Variants in ABCB1 observed in about 807,000 individuals in gnomAD.
The protein encoded by ABCB1 is ATP-dependent translocase ABCB1.
ABCB1 carries 69 observed loss-of-function variants against 142.0 expected under a neutral mutation model. The observed-to-expected ratio is 0.49, with a 90% CI of 0.40 to 0.59. The LOEUF (loss-of-function observed/expected upper bound fraction) is 0.59, where lower values mean the gene tolerates loss of function less well. Among genes scored for constraint, ABCB1 ranks in the 20% least tolerant of loss-of-function variants. ABCB1 has a pLI of 0.00. For synonymous variants in ABCB1, 532 were observed against 539.2 expected (o/e 0.99, Z 0.18); for missense variants, 1,326 against 1,554.7 (o/e 0.85, Z 2.47).
At chr7:87,631,435 G>A (rs1384542861) in intron 1 of ABCB1, among the ~76,000 whole-genome samples, 1 of 152,044 alleles carries the variant, frequency 6.6e-6, no homozygotes, top group African/African-American at 2.4e-5. Flanking sequence ...CTGTCTCCCA[G>A]GCTGGAGAGC....
intron 20 of ABCB1, among the ~76,000 whole-genome samples, chr7:87,534,628 C>T (rs1816199386): frequency 1.3e-5 from 2 of 152,064 alleles, no homozygotes; most frequent in South Asian, 4.1e-4. Context: ...TAAAGATCAA[C>T]TCCAGCTGGG....
intron 21 of ABCB1, among the ~76,000 whole-genome samples, chr7:87,526,551 AC>A (rs1395531058): frequency 6.6e-6 from 1 of 151,712 alleles, no homozygotes; most frequent in Non-Finnish European, 1.5e-5. Context: ...GATTCTTATA[AC>A]CCCCTCATCT....
chr7:87,509,847 A>T (rs1814927056), intron 25 of ABCB1, among the ~76,000 whole-genome samples: 1 of 152,254 alleles, frequency 6.6e-6, no homozygotes, highest in African/African-American at 2.4e-5. Flanking sequence ...CTGTAAAATA[A>T]GATTATCCTG....
At chr7:87,700,423 C>A in intron 1 of ABCB1, 4 of 1,598,272 alleles carry the variant, frequency 2.5e-6, no homozygotes, top group Non-Finnish European at 3.4e-6. Context: ...TCCTGAAGGT[C>A]AAGTAACCTG....
At chr7:87,617,454 T>C (rs1476549646) in intron 1 of ABCB1, among the ~76,000 whole-genome samples, 1 of 152,208 alleles carries the variant, frequency 6.6e-6, no homozygotes, top group Admixed American at 6.5e-5. Context: ...TGTCCTTCCA[T>C]CTGAGGCAAA....
At chr7:87,629,276 C>T (rs533167118) in intron 1 of ABCB1, 133 of 245,372 alleles carry the variant, frequency 5.4e-4, no homozygotes, top group Admixed American at 1.3e-3. Context: ...CATTTAATGC[C>T]CATTCAGCTG....
intron 1 of ABCB1, among the ~76,000 whole-genome samples, chr7:87,695,433 C>T (rs1324544131): frequency 3.3e-5 from 5 of 151,972 alleles, no homozygotes; most frequent in African/African-American, 1.2e-4. Flanking sequence ...GTGAGAACTC[C>T]ACAAGTTTTT....
chr7:87,610,928 A>C (rs1223965377), intron 1 of ABCB1, among the ~76,000 whole-genome samples: 1 of 152,188 alleles, frequency 6.6e-6, no homozygotes, highest in Non-Finnish European at 1.5e-5. Flanking sequence ...CTTACTCTCT[A>C]TATCCAATTT....
intron 2 of ABCB1, among the ~76,000 whole-genome samples, chr7:87,597,619 A>G (rs1037613959): frequency 1.3e-5 from 2 of 152,114 alleles, no homozygotes; most frequent in Admixed American, 6.5e-5. Context: ...TCATAAGTAC[A>G]TAATTCTTTA....
intron 4 of ABCB1, among the ~76,000 whole-genome samples, chr7:87,577,212 T>A (rs1424936231): frequency 6.6e-6 from 1 of 152,198 alleles, no homozygotes; most frequent in Non-Finnish European, 1.5e-5. Flanking sequence ...TATAATCTCC[T>A]CCAGTTCCAT....
intron 4 of ABCB1, among the ~76,000 whole-genome samples, chr7:87,572,714 G>A (rs1255199151): frequency 6.6e-6 from 1 of 152,164 alleles, no homozygotes; most frequent in East Asian, 1.9e-4. Context: ...ATACTATGCA[G>A]CCATAAAAAA....
At chr7:87,603,874 A>C (rs1444236617), upstream of ABCB1, among the ~76,000 whole-genome samples, 1 of 152,194 alleles carries the variant, frequency 6.6e-6, no homozygotes, top group Non-Finnish European at 1.5e-5. Context: ...GTATCTTCTA[A>C]TGTTATGGCA....
At chr7:87,661,044 T>C (rs913056814) in intron 1 of ABCB1, among the ~76,000 whole-genome samples, 1 of 152,000 alleles carries the variant, frequency 6.6e-6, no homozygotes, top group Non-Finnish European at 1.5e-5. Flanking sequence ...TTTTCAAATG[T>C]TATTTACATT....
chr7:87,628,584 C>CGTGCGTGTGT (rs1468348829), intron 1 of ABCB1: 20 of 290,666 alleles, frequency 6.9e-5, no homozygotes, highest in African/African-American at 2.4e-4. Flanking sequence ...TGCGTGCGTG[C>CGTGCGTGTGT]GTGTGTGTGT....
chr7:87,568,242 C>CAATAATAATAATAATAATAAT (rs112610351), intron 5 of ABCB1, among the ~76,000 whole-genome samples: 9 of 135,922 alleles, frequency 6.6e-5, no homozygotes, highest in South Asian at 5.2e-4. Context: ...AAAAATACGA[C>CAATAATAATAATAATAATAAT]AATAATAATA....
At chr7:87,610,654 T>TA (rs1426301995) in intron 1 of ABCB1, among the ~76,000 whole-genome samples, 1 of 152,176 alleles carries the variant, frequency 6.6e-6, no homozygotes, top group Non-Finnish European at 1.5e-5. Context: ...CAAACCTTCT[T>TA]ACTCTACTAT....
chr7:87,592,164 G>A (rs1050402978), intron 3 of ABCB1, among the ~76,000 whole-genome samples: 2 of 152,142 alleles, frequency 1.3e-5, no homozygotes, highest in Admixed American at 1.3e-4. Flanking sequence ...CTCCATGAAG[G>A]GCATCAGTGC....
chr7:87,557,083 A>G (rs1817342907), intron 8 of ABCB1, among the ~76,000 whole-genome samples: 1 of 152,012 alleles, frequency 6.6e-6, no homozygotes, highest in African/African-American at 2.4e-5. Context: ...TTTAAAGTTA[A>G]CTTGACCATT....
At chr7:87,666,009 G>A (rs1174219806) in intron 1 of ABCB1, among the ~76,000 whole-genome samples, 1 of 152,092 alleles carries the variant, frequency 6.6e-6, no homozygotes, top group Non-Finnish European at 1.5e-5. Flanking sequence ...CCGGTAATGG[G>A]ATTGCTGGGT....
Sources: gnomAD v4.1 joint callset for allele counts (sites outside exome capture counted in the v4.1 genomes callset) on GRCh38, gnomAD v4.1.1 for gene constraint, MANE v1.5 for transcripts, NCBI Gene and HGNC (gene_info 2026-07-23, HGNC 2026-07-21) for gene names.